PDE5A: variants seen among roughly 807,000 people sequenced by gnomAD.
PDE5A encodes the protein phosphodiesterase 5A.
In PDE5A, 67 loss-of-function variants were observed where a neutral mutation model predicts 110.2. That is an observed-to-expected ratio of 0.61 (90% CI 0.50 to 0.75). PDE5A has a LOEUF of 0.75. PDE5A is among the 30% of genes least tolerant of loss of function. PDE5A has a pLI of 0.00. For missense variants in PDE5A, 862 were observed against 1,045.1 expected, an observed-to-expected ratio of 0.82 and a Z score of 2.42; for synonymous variants, 328 against 351.2, an observed-to-expected ratio of 0.93 and a Z score of 0.74.
At chr4:119,518,433 T>A (rs1299640257) in intron 14 of PDE5A, among the ~76,000 whole-genome samples, 1 of 152,230 alleles carries the variant, frequency 6.6e-6, no homozygotes, top group Admixed American at 6.5e-5. Flanking sequence ...ACTCTCAAAC[T>A]CAGTCAATGA....
intron 1 of PDE5A, among the ~76,000 whole-genome samples, chr4:119,608,499 A>G (rs1329920772): frequency 6.6e-6 from 1 of 152,170 alleles, no homozygotes; most frequent in African/African-American, 2.4e-5. Context: ...ACAATTTATA[A>G]TCCAAATAAA....
intron 2 of PDE5A, among the ~76,000 whole-genome samples, chr4:119,597,434 C>A (rs1256091819): frequency 6.6e-6 from 1 of 151,576 alleles, no homozygotes; most frequent in Non-Finnish European, 1.5e-5. Flanking sequence ...ATCATTTTTA[C>A]CTTACCATAT....
At chr4:119,622,047 G>A (rs911749298) in intron 1 of PDE5A, among the ~76,000 whole-genome samples, 4 of 151,988 alleles carry the variant, frequency 2.6e-5, no homozygotes, top group Non-Finnish European at 2.9e-5. Context: ...GGTGGTGGGC[G>A]CCTGTAGTCC....
chr4:119,534,793 AT>A (rs1375219063), intron 11 of PDE5A, among the ~76,000 whole-genome samples: 1 of 152,174 alleles, frequency 6.6e-6, no homozygotes, highest in Non-Finnish European at 1.5e-5. Flanking sequence ...GGCATCAGAG[AT>A]TTGGGTCAGG....
chr4:119,528,251 T>C (rs1264586805), intron 11 of PDE5A, among the ~76,000 whole-genome samples: 2 of 152,068 alleles, frequency 1.3e-5, no homozygotes, highest in Non-Finnish European at 2.9e-5. Flanking sequence ...GGCCCTCTTT[T>C]CACCATTCTT....
chr4:119,543,045 TACACACACACACACACACACACACACAC>T (rs70944890), intron 9 of PDE5A: 1 of 124,380 alleles, frequency 8.0e-6, no homozygotes, highest in African/African-American at 3.1e-5. Context: ...AAGTTAAACA[TACACACACACACACACACACACACACAC>T]ACACACACAC....
chr4:119,624,864 C>T (rs144432761), intron 1 of PDE5A, among the ~76,000 whole-genome samples: 172 of 152,314 alleles, frequency 1.1e-3, no homozygotes, highest in Middle Eastern at 0.01. Context: ...TGCAAATTGT[C>T]TACAATAGTG....
At position 119,608,570 on chromosome 4, in the gene PDE5A, A is replaced by G. The variant is rs1729624327; in HGVS notation, c.153-1273T>C. Among the ~76,000 whole-genome samples, 10 of 152,312 alleles carry G rather than the reference A, an allele frequency of 6.6e-5. No homozygotes were observed. In the South Asian group the frequency reaches 2.1e-3, roughly 32 times the overall value. On this transcript the variant is annotated intron_variant, in intron 1 of 20. Transcript: ENST00000354960. Reference sequence around the variant, plus strand: ...TCACTAACTCCTCCTCCCAAAATGAACAAATAAAACAAAAACAAAAAAACC... The same window carrying G: ...TCACTAACTCCTCCTCCCAAAATGAGCAAATAAAACAAAAACAAAAAAACC...
intron 11 of PDE5A, among the ~76,000 whole-genome samples, chr4:119,535,371 G>A (rs1726693517): frequency 6.6e-6 from 1 of 152,024 alleles, no homozygotes; most frequent in Admixed American, 6.6e-5. Flanking sequence ...CGAAGCTTTT[G>A]TAAAACCTCC....
At chr4:119,581,049 G>C (rs1728572410) in intron 3 of PDE5A, among the ~76,000 whole-genome samples, 2 of 152,144 alleles carry the variant, frequency 1.3e-5, no homozygotes, top group South Asian at 4.1e-4. Context: ...GTTAAATCAG[G>C]ATCAAGCTTG....
At position 119,520,959 on chromosome 4, in the gene PDE5A, A is replaced by C. The variant is rs1726106897; in HGVS notation, c.1881T>G (p.Ala627=). 5 of 1,611,288 alleles carry C rather than the reference A, an allele frequency of 3.1e-6. No homozygotes were observed. The highest frequency in any genetic ancestry group is 3.4e-6 in the Non-Finnish European group (4 of 1,178,596). The change falls in exon 13 of 21, where the codon GCT becomes GCG. Residue 627 remains alanine (A), a synonymous_variant. Coordinates refer to ENST00000354960, the MANE Select transcript of PDE5A (RefSeq NM_001083.4). ...CCTGAATTTTGCCTGCTTTTAGAGC[A>C]GCAAACATGCACTGAGCTGTATTAA... is the stretch of plus-strand genomic sequence containing the variant. The part of the protein sequence containing the change: ...HAFNTAQCMF[A]ALKAGKIQNK...
intron 14 of PDE5A, among the ~76,000 whole-genome samples, chr4:119,513,578 C>T (rs2110463906): frequency 6.6e-6 from 1 of 152,198 alleles, no homozygotes; most frequent in Middle Eastern, 3.4e-3. Context: ...TCTAAAGTTG[C>T]CATCTTTTTG....
chr4:119,581,441 G>GTA (rs1411013101), intron 3 of PDE5A, among the ~76,000 whole-genome samples: 1 of 152,126 alleles, frequency 6.6e-6, no homozygotes, highest in Non-Finnish European at 1.5e-5. Context: ...GTGTGTGCGT[G>GTA]TATATATATG....
At chr4:119,548,021 T>A (rs957187361) in intron 9 of PDE5A, among the ~76,000 whole-genome samples, 1 of 151,212 alleles carries the variant, frequency 6.6e-6, no homozygotes, top group Non-Finnish European at 1.5e-5. Flanking sequence ...ACTGTGATGA[T>A]CACTTTGTCC....
chr4:119,494,994 G>A lies in PDE5A; in HGVS notation c.*3607C>T, dbSNP rs1389762477. On this transcript the variant is annotated 3_prime_UTR_variant, in exon 21 of 21. Transcript: ENST00000354960. ...TGTAATCTTTACCTGGCTAGCACAT[G>A]GAAAAAATAAACTATATACAAGAAT... The A allele has an allele frequency of 6.6e-6, 1 of 152,388 alleles. No homozygotes were observed. Among genetic ancestry groups the A allele is most frequent in the Non-Finnish European group, 1.5e-5 (1 of 67,988 alleles). The allele number at this position is 152,388 out of a possible 1,614,324, so 9.4% of individuals were successfully genotyped here. A position where few individuals can be genotyped will look rare whatever the true frequency, so the allele number is the denominator to read the frequency against.
At chr4:119,530,985 T>C (rs1215381961) in intron 11 of PDE5A, among the ~76,000 whole-genome samples, 1 of 152,152 alleles carries the variant, frequency 6.6e-6, no homozygotes, top group Non-Finnish European at 1.5e-5. Flanking sequence ...TAAAAATCAG[T>C]TACAGCTTGT....
intron 3 of PDE5A, among the ~76,000 whole-genome samples, chr4:119,570,937 A>T (rs1436375727): frequency 6.6e-6 from 1 of 152,156 alleles, no homozygotes; most frequent in African/African-American, 2.4e-5. Flanking sequence ...TGCTCTTTTC[A>T]AACTTTTCTT....
intron 20 of PDE5A, 46 bp downstream of exon 20, chr4:119,501,124 C>T (rs767226450): frequency 2.5e-6 from 3 of 1,186,308 alleles, no homozygotes; most frequent in Admixed American, 1.8e-5. Context: ...GGTTCTAATT[C>T]ACAACAGTCC....
At chr4:119,520,762 T>G (rs1726097950) in intron 13 of PDE5A, among the ~76,000 whole-genome samples, 173 bp downstream of exon 13, 1 of 152,132 alleles carries the variant, frequency 6.6e-6, no homozygotes, top group African/African-American at 2.4e-5. Context: ...AGCAACGAAG[T>G]AGTTTTGCCA....
Sources: allele counts gnomAD v4.1 joint callset (sites outside exome capture counted in the v4.1 genomes callset), GRCh38; gene constraint gnomAD v4.1.1; transcripts MANE v1.5; gene names NCBI Gene and HGNC (gene_info 2026-07-23, HGNC 2026-07-21).